Variants in DNM3 observed in about 807,000 individuals in gnomAD.
The protein encoded by DNM3 is dynamin-3.
Under a neutral mutation model 101.6 loss-of-function variants are expected in DNM3, and 47 were observed. The ratio of observed to expected loss-of-function variants is 0.46; its 90% CI spans 0.37 to 0.59. The LOEUF (loss-of-function observed/expected upper bound fraction) is 0.59, where lower values mean the gene tolerates loss of function less well. DNM3 is among the 20% of genes least tolerant of loss of function. The probability of loss-of-function intolerance (pLI) is 0.00; values close to 1 mark genes in which losing one functional copy is unlikely to be tolerated. For missense variants in DNM3, 849 were observed against 1,085.7 expected, an observed-to-expected ratio of 0.78 and a Z score of 3.06; for synonymous variants, 385 against 387.9, an observed-to-expected ratio of 0.99 and a Z score of 0.09.
intron 14 of DNM3, among the ~76,000 whole-genome samples, chr1:172,186,648 C>G (rs1320126879): frequency 6.6e-6 from 1 of 152,066 alleles, no homozygotes; most frequent in Non-Finnish European, 1.5e-5. Context: ...ACTTCTCACC[C>G]TCTATTGATG....
chr1:172,011,864 T>C (rs931032704), intron 4 of DNM3, among the ~76,000 whole-genome samples: 1 of 152,070 alleles, frequency 6.6e-6, no homozygotes, highest in African/African-American at 2.4e-5. Flanking sequence ...CATTCTTAAA[T>C]ACTCTGCTTT....
At chr1:172,347,455 C>A (rs1007305031) in intron 17 of DNM3, among the ~76,000 whole-genome samples, 4 of 151,920 alleles carry the variant, frequency 2.6e-5, no homozygotes, top group Non-Finnish European at 5.9e-5. Context: ...AATAAAGAGG[C>A]TTTAAGTATG....
intron 1 of DNM3, among the ~76,000 whole-genome samples, chr1:171,865,526 A>T (rs199593039): frequency 0.093 from 13,852 of 148,904 alleles, 644 homozygotes; most frequent in South Asian, 0.2. Flanking sequence ...AAAAAAAAAA[A>T]AAAAAAAAAA....
chr1:171,957,104 G>T (rs1197293693), intron 2 of DNM3, among the ~76,000 whole-genome samples: 3 of 152,098 alleles, frequency 2.0e-5, no homozygotes, highest in Non-Finnish European at 4.4e-5. Context: ...CACTGGCTTG[G>T]CAATTAACAT....
chr1:172,077,059 C>G (rs188064233), intron 11 of DNM3, among the ~76,000 whole-genome samples: 1 of 152,082 alleles, frequency 6.6e-6, no homozygotes, highest in East Asian at 1.9e-4. Flanking sequence ...TGTATGTATC[C>G]AGGAATTTAT....
Position 172,387,186 on chromosome 1 carries a change from C to T in DNM3, c.2112C>T (p.Asp704=). ...TAGCACAGTTGTATTCTTCAGAGGACCAAAATACCCTGATGGAGGAATCTG... is the reference window on the plus strand; with the variant it reads ...TAGCACAGTTGTATTCTTCAGAGGATCAAAATACCCTGATGGAGGAATCTG... ...ELLAQLYSSE[D]QNTLMEESAE... is the part of the protein sequence containing the mutation. The change falls in exon 19 of 21, where the codon GAC becomes GAT. Residue 704 remains aspartate, a synonymous_variant. Transcript: ENST00000627582. 6.2e-7 allele frequency: 1 copy of T among 1,613,950 alleles called. No individual in the cohort carries two copies.
intron 1 of DNM3, among the ~76,000 whole-genome samples, chr1:171,870,567 A>G (rs1356246430): frequency 6.6e-6 from 1 of 152,202 alleles, no homozygotes; most frequent in Non-Finnish European, 1.5e-5. Flanking sequence ...TCCCTGAAAT[A>G]AAAAGTGAGG....
intron 15 of DNM3, among the ~76,000 whole-genome samples, chr1:172,272,371 T>C (rs2063121247): frequency 6.6e-6 from 1 of 152,148 alleles, no homozygotes; most frequent in Non-Finnish European, 1.5e-5. Flanking sequence ...TAAGTGAAAC[T>C]TGCTTTTTTT....
chr1:172,056,944 GA>G (rs963102402), intron 10 of DNM3, among the ~76,000 whole-genome samples: 23 of 151,958 alleles, frequency 1.5e-4, no homozygotes, highest in African/African-American at 5.3e-4. Context: ...TGAAAACTTT[GA>G]AAAAAATTTA....
intron 2 of DNM3, chr1:171,987,372 A>C (rs1175870727): frequency 1.1e-6 from 1 of 941,666 alleles, no homozygotes; most frequent in African/African-American, 1.8e-5. Context: ...TTGGATAGCC[A>C]AAATTTTCTT....
In DNM3 at chr1:172,347,437, T is replaced by C. The variant is rs74492546; in HGVS notation, c.1893+24097T>C. 8.4e-3 allele frequency among the ~76,000 whole-genome samples: 1,279 copies of C among 152,254 alleles called. 16 individuals are homozygous for C. The highest frequency in any genetic ancestry group is 0.014 in the Non-Finnish European group (969 of 68,022). ...TACAGAAATAAAAAGTTGTTTAATATGTTTAGAAATAAAGAGGCTTTAAGT... is the reference window on the plus strand; with the variant it reads ...TACAGAAATAAAAAGTTGTTTAATACGTTTAGAAATAAAGAGGCTTTAAGT... On this transcript the variant is annotated intron_variant, in intron 17 of 20. Transcript: ENST00000627582.
chr1:172,374,288 GGTGCAC>G (rs1342570411), intron 17 of DNM3, among the ~76,000 whole-genome samples: 1 of 151,998 alleles, frequency 6.6e-6, no homozygotes, highest in Non-Finnish European at 1.5e-5. Flanking sequence ...TGTCTGAGAA[GGTGCAC>G]TCAGTAATTC....
intron 17 of DNM3, among the ~76,000 whole-genome samples, chr1:172,365,803 G>A (rs114022990): frequency 2.6e-5 from 4 of 152,032 alleles, no homozygotes; most frequent in Non-Finnish European, 4.4e-5. Context: ...AGCGCAAAGA[G>A]ATGAGTAAAA....
At chr1:172,207,632 G>C (rs1026050836) in intron 14 of DNM3, among the ~76,000 whole-genome samples, 7 of 151,992 alleles carry the variant, frequency 4.6e-5, no homozygotes, top group African/African-American at 1.7e-4. Flanking sequence ...TCTGTATTTT[G>C]AAATTTGGAA....
At position 172,176,893 on chromosome 1, in the gene DNM3, T is replaced by G. The variant is rs529063099; in HGVS notation, c.1659+45605T>G. On this transcript the variant is annotated intron_variant, in intron 14 of 20. Coordinates refer to ENST00000627582, the MANE Select transcript of DNM3 (RefSeq NM_015569.5). ...ATTTGGATATATTATAGAAAAGAGG[T>G]TGGAGGGAGGAAAAATAGATGTAGT... is the stretch of plus-strand genomic sequence containing the variant. Among the ~76,000 whole-genome samples, 29 of 151,288 alleles carry G rather than the reference T, an allele frequency of 1.9e-4. No individual in the cohort carries two copies. In the East Asian group the frequency reaches 5.7e-3, roughly 30 times the overall value.
At chr1:171,842,402 G>A (rs556845221) in intron 1 of DNM3, among the ~76,000 whole-genome samples, 1 of 152,280 alleles carries the variant, frequency 6.6e-6, no homozygotes, top group South Asian at 2.1e-4. Flanking sequence ...GGAGAAAGAC[G>A]TCGTTTGTTG....
chr1:172,237,863 C>A (rs1422930046), intron 14 of DNM3, among the ~76,000 whole-genome samples: 2 of 152,118 alleles, frequency 1.3e-5, no homozygotes, highest in Non-Finnish European at 2.9e-5. Flanking sequence ...ATTAGCTGAT[C>A]AAAAGCAATG....
chr1:171,972,875 C>A (rs1169651977), intron 2 of DNM3, among the ~76,000 whole-genome samples: 27 of 150,692 alleles, frequency 1.8e-4, no homozygotes, highest in Admixed American at 1.5e-3. Flanking sequence ...ACAAAAACAA[C>A]AACAACAACA....
At chr1:172,165,716 T>C (rs58810755) in intron 14 of DNM3, among the ~76,000 whole-genome samples, 1 of 152,216 alleles carries the variant, frequency 6.6e-6, no homozygotes, top group African/African-American at 2.4e-5. Context: ...AATACTTTAT[T>C]CCTCTGTGAC....
Sources: gnomAD v4.1 joint callset for allele counts (sites outside exome capture counted in the v4.1 genomes callset) on GRCh38, gnomAD v4.1.1 for gene constraint, MANE v1.5 for transcripts, NCBI Gene and HGNC (gene_info 2026-07-23, HGNC 2026-07-21) for gene names.